The following PPP2R5C variants were observed in gnomAD, a reference collection of about 807,000 sequenced individuals.
PPP2R5C encodes the protein protein phosphatase 2 regulatory subunit B'gamma, also known as serine/threonine-protein phosphatase 2A 56 kDa regulatory subunit gamma isoform.
A neutral mutation model predicts 68.9 loss-of-function variants in PPP2R5C; 7 were observed. That is an observed-to-expected ratio of 0.10 (90% CI 0.06 to 0.19). PPP2R5C has a LOEUF of 0.19. Among genes scored for constraint, PPP2R5C ranks in the 10% least tolerant of loss-of-function variants. The pLI is 1.00. For synonymous variants in PPP2R5C, 210 were observed against 222.2 expected (o/e 0.95, Z 0.49); for missense variants, 348 against 641.3 (o/e 0.54, Z 4.94).
Position 101,866,834 on chromosome 14 carries a change from A to C in PPP2R5C, c.294+9949A>C, listed in dbSNP as rs114370281. Among the ~76,000 whole-genome samples the C allele has an allele frequency of 8.1e-3, 1,229 of 152,226 alleles. 17 individuals carry two copies. The highest frequency in any genetic ancestry group is 0.028 in the African/African-American group (1,154 of 41,534). On this transcript the variant is annotated intron_variant, in intron 2 of 13. Transcript: ENST00000334743. ...GCACAGTGGCTCATGCCTATAATCC[A>C]ACTTTGGGAGGCCAGGGCAGGAGGA...
At chr14:101,911,743 C>A (rs137861105) in intron 11 of PPP2R5C, among the ~76,000 whole-genome samples, 1 of 151,866 alleles carries the variant, frequency 6.6e-6, no homozygotes, top group African/African-American at 2.4e-5. Context: ...ATTAGCCGGG[C>A]GGTAGTAGCA....
intron 1 of PPP2R5C, among the ~76,000 whole-genome samples, chr14:101,816,891 ATT>A (rs2039724141): frequency 1.6e-5 from 2 of 128,988 alleles, no homozygotes; most frequent in Non-Finnish European, 1.6e-5. Context: ...TTATATATAT[ATT>A]ATATAAATAT....
intron 2 of PPP2R5C, among the ~76,000 whole-genome samples, chr14:101,875,041 G>A (rs1001074528): frequency 8.5e-5 from 13 of 152,248 alleles, no homozygotes; most frequent in African/African-American, 2.6e-4. Context: ...CGCCTAGCCC[G>A]TAAGTTTTTA....
chr14:101,852,115 G>A (rs149404771), intron 1 of PPP2R5C, among the ~76,000 whole-genome samples: 2 of 152,342 alleles, frequency 1.3e-5, no homozygotes, highest in East Asian at 1.9e-4. Context: ...CCTCCACTGC[G>A]TGTAAATTTG....
At chr14:101,883,021 G>A in intron 3 of PPP2R5C, 1 of 450,576 alleles carries the variant, frequency 2.2e-6, no homozygotes, top group South Asian at 2.5e-5. Flanking sequence ...ATCAGCCATG[G>A]AGATCATTTT....
chr14:101,925,328 A>C (rs992335469), exon 14 of PPP2R5C: 42 of 1,601,190 alleles, frequency 2.6e-5, no homozygotes, highest in Non-Finnish European at 3.5e-5. Context: ...GATTCTGTAG[A>C]AAATACATAC....
intron 2 of PPP2R5C, chr14:101,765,482 C>G: frequency 1.9e-6 from 1 of 539,814 alleles, no homozygotes; most frequent in Non-Finnish European, 3.3e-6. Flanking sequence ...CTTTTTCCCT[C>G]TCCTCTCTCT....
At chr14:101,890,455 C>T (rs2044794606) in intron 6 of PPP2R5C, among the ~76,000 whole-genome samples, 159 bp downstream of exon 8, 1 of 152,160 alleles carries the variant, frequency 6.6e-6, no homozygotes, top group South Asian at 2.1e-4. Context: ...TTGGTGAGCT[C>T]TTAGATTAGA....
intron 1 of PPP2R5C, among the ~76,000 whole-genome samples, chr14:101,856,009 C>T (rs1200871034): frequency 2.0e-5 from 3 of 152,176 alleles, no homozygotes; most frequent in Non-Finnish European, 4.4e-5. Context: ...TAACGTCAGT[C>T]GTCATGTGTG....
Position 101,906,804 on chromosome 14 carries a change from T to G in PPP2R5C, c.1151+275T>G, listed in dbSNP as rs1298917948. On this transcript the variant is annotated intron_variant, in intron 10 of 13. Coordinates refer to ENST00000334743, the Ensembl canonical transcript of PPP2R5C. This position sits in a 1 kb window ranked among gnomAD's most constrained non-coding sequence, Gnocchi z 4.0. ...TTTCTAGGCCTCTTCCTGAGCGTCC[T>G]GCAGAGAAGCTGAAGGTCTCTGCAG... 6.6e-6 allele frequency among the ~76,000 whole-genome samples: 1 copy of G among 152,152 alleles called. No homozygotes were observed. Among genetic ancestry groups the G allele is most frequent in the East Asian group, 1.9e-4 (1 of 5,194 alleles).
intron 1 of PPP2R5C, among the ~76,000 whole-genome samples, chr14:101,853,802 C>G (rs949929073): frequency 1.3e-5 from 2 of 151,968 alleles, no homozygotes; most frequent in African/African-American, 4.8e-5. Context: ...GAGGATTTGG[C>G]GAGGACATGT....
chr14:101,898,861 C>T (rs1477391061), intron 8 of PPP2R5C, among the ~76,000 whole-genome samples: 1 of 152,180 alleles, frequency 6.6e-6, no homozygotes, highest in Admixed American at 6.5e-5. Flanking sequence ...GCCATTTTGT[C>T]TTATTTCAGC....
chr14:101,905,622 A>G (rs368395592), intron 9 of PPP2R5C, among the ~76,000 whole-genome samples: 1 of 151,602 alleles, frequency 6.6e-6, no homozygotes, highest in African/African-American at 2.4e-5. Context: ...ACGCCATTGC[A>G]CTCCAGCCTG....
At position 101,882,393 on chromosome 14, in the gene PPP2R5C, C is replaced by T. The variant is rs1595460734; in HGVS notation, c.405+122C>T. 1.5e-5 allele frequency: 9 copies of T among 619,466 alleles called. No individual in the cohort carries two copies. The highest frequency in any genetic ancestry group is 3.0e-5 in the East Asian group (1 of 33,228). The allele number at this position is 619,466 out of a possible 1,614,324, so 38.4% of individuals were successfully genotyped here. On this transcript the variant is annotated intron_variant, in intron 3 of 13. Transcript: ENST00000334743. This position sits in a 1 kb window ranked among gnomAD's most constrained non-coding sequence, Gnocchi z 4.9. ...CTCTCCTCCTCAGTAGCATGGGCCT[C>T]GTAAACCCATATGTACAAGAAAAAT...
At chr14:101,823,737 C>T in intron 1 of PPP2R5C, 2 of 1,038,382 alleles carry the variant, frequency 1.9e-6, no homozygotes, top group Non-Finnish European at 2.3e-6. Context: ...CTTGGGTTTT[C>T]TGACTCACGG....
rs766505233 is a variant in PPP2R5C, at chr14:101,883,625, T to C, written c.629+63T>C. On this transcript the variant is annotated intron_variant, in intron 5 of 13. Coordinates refer to ENST00000334743, the Ensembl canonical transcript of PPP2R5C. ...TGATGCTCATTTCCCCCCTCGATGC[T>C]CCCCTACCCCATCGTCTCCTCTGAC... 9 of 1,568,224 alleles carry C rather than the reference T, an allele frequency of 5.7e-6. No individual in the cohort carries two copies. In the East Asian group the frequency reaches 2.0e-4, roughly 35 times the overall value.
At chr14:101,806,809 A>G (rs571980795), upstream of PPP2R5C, among the ~76,000 whole-genome samples, 2 of 152,174 alleles carry the variant, frequency 1.3e-5, no homozygotes, top group African/African-American at 4.8e-5. Flanking sequence ...TGAAAATGAA[A>G]AAAATGAGCA....
chr14:101,815,820 C>T (rs1362109984), intron 1 of PPP2R5C, among the ~76,000 whole-genome samples: 4 of 152,144 alleles, frequency 2.6e-5, no homozygotes, highest in African/African-American at 9.7e-5. Context: ...CAGGTGCATG[C>T]CACCACGCCC....
chr14:101,832,055 G>T (rs1452417002), intron 1 of PPP2R5C, among the ~76,000 whole-genome samples: 1 of 152,226 alleles, frequency 6.6e-6, no homozygotes, highest in Non-Finnish European at 1.5e-5. Flanking sequence ...ATCAGCAAAG[G>T]CTGAGAGCAA....
Sources: gnomAD v4.1 joint callset for allele counts (sites outside exome capture counted in the v4.1 genomes callset) on GRCh38, gnomAD v4.1.1 for gene constraint, Gnocchi (gnomAD v3.1) non-coding constraint, MANE v1.5 for transcripts, NCBI Gene and HGNC (gene_info 2026-07-23, HGNC 2026-07-21) for gene names.